NUTM2E: variants seen among roughly 807,000 people sequenced by gnomAD.
NUTM2E encodes NUT family member 2E.
A neutral mutation model predicts 26.1 loss-of-function variants in NUTM2E; 3 were observed. The ratio of observed to expected loss-of-function variants is 0.12; its 90% CI spans 0.05 to 0.30. The LOEUF (loss-of-function observed/expected upper bound fraction) is 0.30, where lower values mean the gene tolerates loss of function less well. NUTM2E is among the 10% of genes least tolerant of loss of function. NUTM2E has a pLI of 1.00. For synonymous variants in NUTM2E, 13 were observed against 157.5 expected (o/e 0.08, Z 6.87); for missense variants, 62 against 381.3 (o/e 0.16, Z 6.97).
At chr10:79,835,936 G>T (rs1001298151) in intron 1 of NUTM2E, among the ~76,000 whole-genome samples, 2 of 149,100 alleles carry the variant, frequency 1.3e-5, no homozygotes, top group African/African-American at 4.9e-5. Context: ...TTCTCCCCTA[G>T]TGTGTAAAAG....
intron 1 of NUTM2E, among the ~76,000 whole-genome samples, chr10:79,832,648 G>A (rs571631440): frequency 6.6e-6 from 1 of 151,530 alleles, no homozygotes; most frequent in South Asian, 2.1e-4. Flanking sequence ...GGATTTATAG[G>A]GTAATTAGAT....
At position 79,833,010 on chromosome 10, in the gene NUTM2E, T is replaced by C. The variant is rs1322800287; in HGVS notation, c.-2727-5299T>C. On this transcript the variant is annotated intron_variant, in intron 1 of 9. Coordinates refer to ENST00000429984, the MANE Select transcript of NUTM2E (RefSeq NM_001355263.2). ...TGCATGTTTGTGTCGTATTTTGGAG[T>C]TGTTATTCAGCTTTTACAGAATATT... Among the ~76,000 whole-genome samples, 11 of 151,838 alleles carry C rather than the reference T, an allele frequency of 7.2e-5. 1 individual carries two copies. The highest frequency in any genetic ancestry group is 3.4e-3 in the Middle Eastern group (1 of 292).
intron 1 of NUTM2E, among the ~76,000 whole-genome samples, chr10:79,833,231 C>G (rs2260565): frequency 6.6e-6 from 1 of 151,724 alleles, no homozygotes. Context: ...AGATTTAAAG[C>G]GTTACCATTA....
chr10:79,827,128 C>G lies in NUTM2E; in HGVS notation c.-2957C>G, dbSNP rs397834286. 6.5e-6 allele frequency: 1 copy of G among 152,732 alleles called. No individual in the cohort carries two copies. The highest frequency in any genetic ancestry group is 1.5e-5 in the Non-Finnish European group (1 of 67,910). The allele number at this position is 152,732 out of a possible 1,614,324, so 9.5% of individuals were successfully genotyped here. A position where few individuals can be genotyped will look rare whatever the true frequency, so the allele number is the denominator to read the frequency against. ...TCGGTGCGAGCCCCTCGCCCCTGGCCGGGCCAGCCTCTTGATGCACCGGGG... is the reference window on the plus strand; with the variant it reads ...TCGGTGCGAGCCCCTCGCCCCTGGCGGGGCCAGCCTCTTGATGCACCGGGG... On this transcript the variant is annotated 5_prime_UTR_variant, in exon 1 of 10. Transcript: ENST00000429984.
intron 1 of NUTM2E, among the ~76,000 whole-genome samples, chr10:79,830,167 A>G (rs1841917444): frequency 6.6e-6 from 1 of 151,618 alleles, no homozygotes; most frequent in African/African-American, 2.4e-5. Context: ...AAATTTTCAT[A>G]AACTTAATTT....
At chr10:79,837,321 T>G (rs1327427647) in intron 1 of NUTM2E, among the ~76,000 whole-genome samples, 1 of 152,034 alleles carries the variant, frequency 6.6e-6, no homozygotes, top group Non-Finnish European at 1.5e-5. Flanking sequence ...TCCATTTGGT[T>G]GTATATTAAG....
chr10:79,838,846 G>T lies in NUTM2E; in HGVS notation c.-2383G>T, dbSNP rs866467805. Among the ~76,000 whole-genome samples the T allele has an allele frequency of 6.6e-6, 1 of 151,236 alleles. No homozygotes were observed. The highest frequency in any genetic ancestry group is 1.5e-5 in the Non-Finnish European group (1 of 67,760). ...TCACCGCCCTTTGCTCTCGCGCTGC[G>T]CGTCTCCCTGCCATCAACCGCCGCA... On this transcript the variant is annotated 5_prime_UTR_variant, in exon 3 of 10. Coordinates refer to ENST00000429984, the MANE Select transcript of NUTM2E (RefSeq NM_001355263.2).
intron 1 of NUTM2E, among the ~76,000 whole-genome samples, chr10:79,837,231 T>C (rs1182239608): frequency 2.0e-5 from 3 of 151,958 alleles, no homozygotes; most frequent in Non-Finnish European, 2.9e-5. Flanking sequence ...TTGTAGACTA[T>C]GTGAACTGCA....
At chr10:79,839,400 G>A (rs1178083882) in intron 3 of NUTM2E, among the ~76,000 whole-genome samples, 1 of 150,148 alleles carries the variant, frequency 6.7e-6, no homozygotes, top group Non-Finnish European at 1.5e-5. Flanking sequence ...TTTTCCTACC[G>A]CATTCAAATG....
rs984261229 is a variant in NUTM2E, at chr10:79,839,381, T to C, written c.-2113-247T>C. 8.3e-3 allele frequency among the ~76,000 whole-genome samples: 1,253 copies of C among 150,974 alleles called. 17 individuals are homozygous for C. The highest frequency in any genetic ancestry group is 0.029 in the African/African-American group (1,183 of 41,184). The stretch of plus-strand genomic sequence containing the variant: ...AAAATATACTTTCTTCTGACTCCAT[T>C]CCCAGAGTTTTTCCTACCGCATTCA... On this transcript the variant is annotated intron_variant, in intron 3 of 9. Coordinates refer to ENST00000429984, the MANE Select transcript of NUTM2E (RefSeq NM_001355263.2).
At chr10:79,838,730 G>A (rs1841979890) in intron 2 of NUTM2E, among the ~76,000 whole-genome samples, 50 bp from the exon 3 acceptor site, 1 of 151,986 alleles carries the variant, frequency 6.6e-6, no homozygotes, top group South Asian at 2.1e-4. Flanking sequence ...ACCAGTGGGA[G>A]CATGACCAGG....
At chr10:79,838,226 T>C (rs965785938) in intron 1 of NUTM2E, among the ~76,000 whole-genome samples, 83 bp from the exon 2 acceptor site, 1 of 134,620 alleles carries the variant, frequency 7.4e-6, no homozygotes, top group African/African-American at 2.7e-5. Flanking sequence ...TTTCTTGACT[T>C]TGGCCACACT....
rs1324318134 is a variant in NUTM2E at position 79,826,871 on chromosome 10, G to C, written c.-3214G>C. The C allele has an allele frequency of 6.6e-6, 1 of 151,338 alleles. No individual in the cohort carries two copies. Among genetic ancestry groups the C allele is most frequent in the Non-Finnish European group, 1.5e-5 (1 of 67,756 alleles). 9.4% of individuals were successfully genotyped at this position (151,338 alleles called of 1,614,324 possible). ...CCCGTCGGGAGTCGTAGTCCCGGAC[G>C]GGCCCGCGGCATCGTCCGCGACGCA... is the stretch of plus-strand genomic sequence containing the variant. On this transcript the variant is annotated 5_prime_UTR_variant, in exon 1 of 10. Coordinates refer to ENST00000429984, the MANE Select transcript of NUTM2E (RefSeq NM_001355263.2).
chr10:79,828,604 A>G (rs1336915648), intron 1 of NUTM2E, among the ~76,000 whole-genome samples: 1 of 151,936 alleles, frequency 6.6e-6, no homozygotes, highest in Non-Finnish European at 1.5e-5. Flanking sequence ...TTTCTGTTAT[A>G]TAAATTTTAG....
intron 1 of NUTM2E, among the ~76,000 whole-genome samples, chr10:79,834,526 C>G (rs1158294051): frequency 2.0e-5 from 3 of 150,460 alleles, no homozygotes; most frequent in African/African-American, 7.3e-5. Context: ...CATGGTGAAA[C>G]CCCGTCTCTA....
At chr10:79,847,012 CA>C (rs1271689546) in intron 6 of NUTM2E, 54 bp downstream of exon 6, 7 of 631,086 alleles carry the variant, frequency 1.1e-5, no homozygotes, top group Non-Finnish European at 1.9e-5. Context: ...GAGTGAATGA[CA>C]GAGGCCCGGT....
At chr10:79,829,021 A>G (rs1276324651) in intron 1 of NUTM2E, among the ~76,000 whole-genome samples, 18 of 151,844 alleles carry the variant, frequency 1.2e-4, no homozygotes, top group East Asian at 1.9e-4. Flanking sequence ...TTGAGAGTAT[A>G]CAAGTTTAAT....
At chr10:79,837,142 T>A (rs1412044250) in intron 1 of NUTM2E, among the ~76,000 whole-genome samples, 1 of 151,998 alleles carries the variant, frequency 6.6e-6, no homozygotes, top group East Asian at 1.9e-4. Context: ...CAGAGCCACC[T>A]ACCCAAAGGT....
intron 5 of NUTM2E, among the ~76,000 whole-genome samples, chr10:79,845,473 T>TA (rs1842018185): frequency 9.1e-6 from 1 of 110,478 alleles, no homozygotes; most frequent in East Asian, 2.1e-4. Flanking sequence ...GGTGAAGAGA[T>TA]AACTTGAGCT....
Sources: gnomAD v4.1 joint callset for allele counts (sites outside exome capture counted in the v4.1 genomes callset) on GRCh38, gnomAD v4.1.1 for gene constraint, MANE v1.5 for transcripts, NCBI Gene and HGNC (gene_info 2026-07-23, HGNC 2026-07-21) for gene names.